The following CDH4 variants were observed in gnomAD, a reference collection of about 807,000 sequenced individuals.
The protein encoded by CDH4 is cadherin-4.
A neutral mutation model predicts 86.0 loss-of-function variants in CDH4; 33 were observed. That is an observed-to-expected ratio of 0.38 (90% CI 0.29 to 0.51). CDH4 has a LOEUF of 0.51. Among genes scored for constraint, CDH4 ranks in the 20% least tolerant of loss-of-function variants. The probability of loss-of-function intolerance (pLI) is 0.86; values close to 1 mark genes in which losing one functional copy is unlikely to be tolerated. For synonymous variants in CDH4, 555 were observed against 549.4 expected, an observed-to-expected ratio of 1.01 and a Z score of -0.14; for missense variants, 1,114 against 1,307.4, an observed-to-expected ratio of 0.85 and a Z score of 2.28.
chr20:61,394,353 C>T (rs1029003748), intron 2 of CDH4, among the ~76,000 whole-genome samples: 5 of 152,204 alleles, frequency 3.3e-5, no homozygotes, highest in African/African-American at 9.7e-5. Flanking sequence ...GCCCCAGCGA[C>T]CAGCGGCAGG....
At chr20:61,863,170 G>A (rs554977449) in intron 6 of CDH4, among the ~76,000 whole-genome samples, 12 of 152,336 alleles carry the variant, frequency 7.9e-5, no homozygotes, top group South Asian at 4.1e-4. Context: ...CATGAATTCC[G>A]AGAAAGAGCC....
In CDH4 at chr20:61,517,764, A is replaced by G. The variant is rs771971000; in HGVS notation, c.170-225799A>G. ...ATTCGTCTTATTCTTGTCAGCTATT[A>G]TATGTCTGATTTTATGGTTTTCATC... On this transcript the variant is annotated intron_variant, in intron 2 of 15. Coordinates refer to ENST00000614565, the MANE Select transcript of CDH4 (RefSeq NM_001794.5). This position sits in a 1 kb window ranked among gnomAD's most constrained non-coding sequence, Gnocchi z 6.6. 6.6e-6 allele frequency among the ~76,000 whole-genome samples: 1 copy of G among 152,160 alleles called. No homozygotes were observed. The highest frequency in any genetic ancestry group is 1.5e-5 in the Non-Finnish European group (1 of 68,032).
intron 3 of CDH4, among the ~76,000 whole-genome samples, chr20:61,757,802 G>C (rs13040843): frequency 6.6e-6 from 1 of 152,140 alleles, no homozygotes; most frequent in African/African-American, 2.4e-5. Flanking sequence ...AGGGAGGAGC[G>C]AGTGGTACAG....
intron 2 of CDH4, among the ~76,000 whole-genome samples, chr20:61,418,892 T>C (rs930188203): frequency 6.6e-6 from 1 of 152,158 alleles, no homozygotes; most frequent in Non-Finnish European, 1.5e-5. Flanking sequence ...GAGACAGCCC[T>C]TGATGTTCCT....
chr20:61,630,666 T>C (rs2086878400), intron 2 of CDH4, among the ~76,000 whole-genome samples: 1 of 152,150 alleles, frequency 6.6e-6, no homozygotes, highest in Admixed American at 6.5e-5. Flanking sequence ...TCTCCCAGAG[T>C]CCAAGACACT....
chr20:61,353,243 C>T (rs1001774584), intron 2 of CDH4, among the ~76,000 whole-genome samples: 4 of 149,994 alleles, frequency 2.7e-5, no homozygotes, highest in African/African-American at 1.0e-4. Context: ...GGAGGGGTCT[C>T]AAGGTTGTGA....
At chr20:61,398,248 A>G (rs2085030065) in intron 2 of CDH4, among the ~76,000 whole-genome samples, 3 of 152,222 alleles carry the variant, frequency 2.0e-5, no homozygotes, top group Admixed American at 1.3e-4. Flanking sequence ...GTAGATTTGC[A>G]TTCTAGATTT....
At chr20:61,509,164 G>A (rs1374900537) in intron 2 of CDH4, among the ~76,000 whole-genome samples, 3 of 152,148 alleles carry the variant, frequency 2.0e-5, no homozygotes, top group Admixed American at 1.3e-4. Flanking sequence ...CCAGCTGCCT[G>A]TCTGTGGTGG....
At chr20:61,728,033 A>G (rs1600920032) in intron 2 of CDH4, among the ~76,000 whole-genome samples, 1 of 152,364 alleles carries the variant, frequency 6.6e-6, no homozygotes, top group Non-Finnish European at 1.5e-5. Flanking sequence ...TATGGAAGAA[A>G]GAGCTCAGGG....
intron 2 of CDH4, among the ~76,000 whole-genome samples, chr20:61,674,717 C>G (rs4925268): frequency 0.61 from 93,503 of 152,078 alleles, 29,062 homozygotes; most frequent in African/African-American, 0.68. Context: ...ATTGTTCATG[C>G]GAAATCTGAC....
intron 7 of CDH4, among the ~76,000 whole-genome samples, chr20:61,878,852 C>T (rs1359947965): frequency 6.6e-6 from 1 of 152,208 alleles, no homozygotes; most frequent in Non-Finnish European, 1.5e-5. Flanking sequence ...TGGAAGCTGC[C>T]AAAGACTCGG....
chr20:61,923,919 G>A (rs538674770), intron 10 of CDH4, among the ~76,000 whole-genome samples: 7 of 152,302 alleles, frequency 4.6e-5, no homozygotes, highest in South Asian at 2.1e-4. Context: ...TGTTGTGACC[G>A]GTGCTTACTC....
chr20:61,900,350 A>G (rs2122888944), intron 8 of CDH4, among the ~76,000 whole-genome samples: 1 of 82,012 alleles, frequency 1.2e-5, no homozygotes, highest in African/African-American at 3.3e-5. Flanking sequence ...CGCACAGTGC[A>G]AGCCTCGGCC....
intron 2 of CDH4, among the ~76,000 whole-genome samples, chr20:61,741,256 C>T (rs1315266470): frequency 1.3e-5 from 2 of 152,142 alleles, no homozygotes; most frequent in Non-Finnish European, 2.9e-5. Context: ...GTGCAGGGGC[C>T]CTGGTGCGGT....
chr20:61,337,161 G>C (rs1305837667), intron 2 of CDH4, among the ~76,000 whole-genome samples: 1 of 151,820 alleles, frequency 6.6e-6, no homozygotes, highest in Admixed American at 6.6e-5. Flanking sequence ...GCTCTAGGCA[G>C]CCACATCCCA....
chr20:61,712,253 C>T (rs2087902005), intron 2 of CDH4, among the ~76,000 whole-genome samples: 1 of 152,152 alleles, frequency 6.6e-6, no homozygotes, highest in Admixed American at 6.5e-5. Flanking sequence ...GGCCTTGGGG[C>T]CTCCAGGTGG....
chr20:61,694,389 G>A (rs1309745941), intron 2 of CDH4, among the ~76,000 whole-genome samples: 13 of 152,174 alleles, frequency 8.5e-5, no homozygotes, highest in South Asian at 6.2e-4. Flanking sequence ...GGCTTGAGGC[G>A]GAGGAGAAAA....
At chr20:61,778,940 G>A (rs1978386632) in intron 4 of CDH4, among the ~76,000 whole-genome samples, 1 of 152,154 alleles carries the variant, frequency 6.6e-6, no homozygotes, top group African/African-American at 2.4e-5. Flanking sequence ...GGGGAGAGAG[G>A]ATATAGAGCT....
chr20:61,619,079 G>A (rs2086748575), intron 2 of CDH4, among the ~76,000 whole-genome samples: 1 of 152,198 alleles, frequency 6.6e-6, no homozygotes, highest in African/African-American at 2.4e-5. Flanking sequence ...TAAAGAAACA[G>A]GCCTGGCCCA....
Sources: allele counts gnomAD v4.1 joint callset (sites outside exome capture counted in the v4.1 genomes callset), GRCh38; gene constraint gnomAD v4.1.1; non-coding constraint Gnocchi (gnomAD v3.1); transcripts MANE v1.5; gene names NCBI Gene and HGNC (gene_info 2026-07-23, HGNC 2026-07-21).